The following LUC7L2 variants were observed in gnomAD, a reference collection of about 807,000 sequenced individuals.
The protein encoded by LUC7L2 is LUC7 like 2, pre-mRNA splicing factor, also known as putative RNA-binding protein Luc7-like 2.
LUC7L2 carries 25 observed loss-of-function variants against 52.8 expected under a neutral mutation model. That is an observed-to-expected ratio of 0.47 (90% confidence interval 0.34 to 0.66). The LOEUF is 0.66. Among genes scored for constraint, LUC7L2 ranks in the 30% least tolerant of loss-of-function variants. The pLI is 0.01. For missense variants in LUC7L2, 328 were observed against 497.8 expected (o/e 0.66, Z 3.25); for synonymous variants, 144 against 160.9 (o/e 0.89, Z 0.80).
At chr7:139,342,154 C>A (rs1472782589) in intron 1 of LUC7L2, among the ~76,000 whole-genome samples, 1 of 151,440 alleles carries the variant, frequency 6.6e-6, no homozygotes, top group Admixed American at 6.6e-5. Flanking sequence ...TGCTAGGAAC[C>A]TGGTCTAAAC....
intron 2 of LUC7L2, among the ~76,000 whole-genome samples, chr7:139,377,651 CA>C (rs1404685774): frequency 6.6e-6 from 1 of 152,034 alleles, no homozygotes. Context: ...CTTGGCCTCC[CA>C]AAGTACTGGG....
At chr7:139,387,948 T>G (rs1447828440) in intron 2 of LUC7L2, among the ~76,000 whole-genome samples, 1 of 152,174 alleles carries the variant, frequency 6.6e-6, no homozygotes, top group Non-Finnish European at 1.5e-5. Flanking sequence ...ACTGATTTAC[T>G]TATTGTCGTC....
chr7:139,377,850 G>A (rs1243436162), intron 2 of LUC7L2, among the ~76,000 whole-genome samples: 2 of 108,628 alleles, frequency 1.8e-5, no homozygotes, highest in South Asian at 3.1e-4. Context: ...TTTTTTTTGA[G>A]ACAAGAGTCT....
intron 1 of LUC7L2, among the ~76,000 whole-genome samples, chr7:139,361,951 T>C (rs1032837843): frequency 3.3e-5 from 5 of 152,200 alleles, no homozygotes; most frequent in African/African-American, 1.2e-4. Context: ...GGTAGTTGGA[T>C]CAAGGTAAAC....
chr7:139,362,275 T>C (rs1003920679), intron 1 of LUC7L2, among the ~76,000 whole-genome samples: 2 of 152,138 alleles, frequency 1.3e-5, no homozygotes, highest in African/African-American at 2.4e-5. Flanking sequence ...TTTTTAGATA[T>C]CAAAATTAAT....
chr7:139,392,858 TGGTC>T (rs919429777), intron 2 of LUC7L2, among the ~76,000 whole-genome samples: 1 of 152,094 alleles, frequency 6.6e-6, no homozygotes, highest in Non-Finnish European at 1.5e-5. Context: ...TTCTCCATGT[TGGTC>T]AGGCTGTTCT....
At chr7:139,374,313 C>T in intron 1 of LUC7L2, 1 of 941,422 alleles carries the variant, frequency 1.1e-6, no homozygotes. Flanking sequence ...TTACAGTCAA[C>T]ATGTACTTCT....
At chr7:139,395,247 T>G (rs756483100) in intron 2 of LUC7L2, among the ~76,000 whole-genome samples, 1 of 152,242 alleles carries the variant, frequency 6.6e-6, no homozygotes, top group South Asian at 2.1e-4. Flanking sequence ...TGCCATTAGC[T>G]TCTTTCATTC....
chr7:139,355,716 A>T (rs1292348838), upstream of LUC7L2, among the ~76,000 whole-genome samples: 3 of 152,242 alleles, frequency 2.0e-5, no homozygotes, highest in Non-Finnish European at 1.5e-5. Context: ...CAAGGTAAAA[A>T]GTGCAAGACT....
intron 1 of LUC7L2, among the ~76,000 whole-genome samples, chr7:139,366,222 G>A (rs1800147547): frequency 6.6e-6 from 1 of 152,180 alleles, no homozygotes; most frequent in Non-Finnish European, 1.5e-5. Context: ...GTATAGTTGT[G>A]AACCATGTAC....
intron 7 of LUC7L2, among the ~76,000 whole-genome samples, chr7:139,412,209 G>T (rs1795388610): frequency 1.4e-5 from 2 of 146,744 alleles, no homozygotes; most frequent in Admixed American, 1.4e-4. Flanking sequence ...AACAAAAAAT[G>T]TAAAAATTAA....
At chr7:139,370,101 G>A (rs1167342532) in intron 1 of LUC7L2, among the ~76,000 whole-genome samples, 1 of 152,154 alleles carries the variant, frequency 6.6e-6, no homozygotes, top group African/African-American at 2.4e-5. Context: ...CATATTAAAT[G>A]TTTTCAAAGC....
chr7:139,365,241 A>G (rs947802438), intron 1 of LUC7L2, among the ~76,000 whole-genome samples: 2 of 152,250 alleles, frequency 1.3e-5, no homozygotes, highest in Admixed American at 6.5e-5. Flanking sequence ...ATCACTTCAT[A>G]TAACATTGCA....
At chr7:139,353,531 A>AC (rs1799518074) in intron 1 of LUC7L2, among the ~76,000 whole-genome samples, 1 of 152,156 alleles carries the variant, frequency 6.6e-6, no homozygotes, top group African/African-American at 2.4e-5. Context: ...AGATGAATAC[A>AC]TGGTTACTAC....
chr7:139,383,901 T>C (rs958731046), intron 2 of LUC7L2, among the ~76,000 whole-genome samples: 7 of 150,928 alleles, frequency 4.6e-5, no homozygotes, highest in Admixed American at 1.3e-4. Flanking sequence ...GCCTGGCTAA[T>C]TATTATTATT....
At chr7:139,376,598 G>A (rs1273458341) in intron 2 of LUC7L2, among the ~76,000 whole-genome samples, 1 of 152,042 alleles carries the variant, frequency 6.6e-6, no homozygotes, top group East Asian at 1.9e-4. Flanking sequence ...GCTTAATTTG[G>A]GAGTATTGTC....
chr7:139,340,609 C>T (rs1409562432), intron 1 of LUC7L2: 1 of 396,948 alleles, frequency 2.5e-6, no homozygotes, highest in Non-Finnish European at 4.4e-6. Context: ...GGTGTGGTTT[C>T]GTGGGATAGG....
chr7:139,340,843 TTAAA>T (rs1798910639), intron 1 of LUC7L2, among the ~76,000 whole-genome samples: 3 of 152,008 alleles, frequency 2.0e-5, no homozygotes, highest in Admixed American at 1.3e-4. Flanking sequence ...TTTTTTTTTT[TTAAA>T]TGGGAAGTGT....
upstream of LUC7L2, among the ~76,000 whole-genome samples, chr7:139,356,109 C>T (rs1006593613): frequency 6.6e-6 from 1 of 152,008 alleles, no homozygotes; most frequent in African/African-American, 2.4e-5. Flanking sequence ...GAGTTTGAGA[C>T]CAGCCTGGGC....
Sources: gnomAD v4.1 joint callset for allele counts (sites outside exome capture counted in the v4.1 genomes callset) on GRCh38, gnomAD v4.1.1 for gene constraint, MANE v1.5 for transcripts, NCBI Gene and HGNC (gene_info 2026-07-23, HGNC 2026-07-21) for gene names.